Variants in STXBP6 observed in about 807,000 individuals in gnomAD.
STXBP6 encodes syntaxin binding protein 6, also known as syntaxin-binding protein 6.
In STXBP6, 21 loss-of-function variants were observed where a neutral mutation model predicts 26.9. That is an observed-to-expected ratio of 0.78 (90% confidence interval 0.55 to 1.12). The LOEUF (loss-of-function observed/expected upper bound fraction) is 1.12. STXBP6 is among the 50% of genes most tolerant of loss of function. The pLI, the probability that STXBP6 is intolerant of heterozygous loss-of-function variation, is 0.00. For missense variants in STXBP6, 232 were observed against 257.9 expected (o/e 0.90, Z 0.69); for synonymous variants, 97 against 92.6 (o/e 1.05, Z -0.27).
chr14:24,885,757 T>C (rs2070559083), intron 2 of STXBP6, among the ~76,000 whole-genome samples: 1 of 152,232 alleles, frequency 6.6e-6, no homozygotes, highest in Admixed American at 6.5e-5. Flanking sequence ...ACTTTTAGGT[T>C]AAAAGAACCC....
chr14:24,854,204 T>C (rs1038216353), intron 4 of STXBP6, among the ~76,000 whole-genome samples: 1 of 151,518 alleles, frequency 6.6e-6, no homozygotes, highest in Non-Finnish European at 1.5e-5. Flanking sequence ...AGAGGAAGAG[T>C]CAGCAAAGCT....
intron 1 of STXBP6, among the ~76,000 whole-genome samples, chr14:24,989,098 C>T (rs1421492236): frequency 2.0e-5 from 3 of 152,104 alleles, no homozygotes; most frequent in Non-Finnish European, 4.4e-5. Flanking sequence ...ACTGGGAAGA[C>T]CTGGCAACAT....
intron 2 of STXBP6, among the ~76,000 whole-genome samples, chr14:24,892,062 T>C (rs8011315): frequency 0.023 from 3,564 of 152,298 alleles, 156 homozygotes; most frequent in African/African-American, 0.081. Context: ...AGTATATAAC[T>C]ATATATGTTT....
chr14:24,832,602 T>G (rs1887935), intron 4 of STXBP6, among the ~76,000 whole-genome samples: 1 of 152,082 alleles, frequency 6.6e-6, no homozygotes, highest in African/African-American at 2.4e-5. Flanking sequence ...TCCTGTGACA[T>G]ATTTTACTTC....
At chr14:24,892,851 A>G (rs987380072) in intron 2 of STXBP6, among the ~76,000 whole-genome samples, 3 of 152,158 alleles carry the variant, frequency 2.0e-5, no homozygotes, top group East Asian at 3.9e-4. Context: ...GAAATGGGAG[A>G]GAGCCGAGTG....
intron 2 of STXBP6, among the ~76,000 whole-genome samples, chr14:24,927,099 G>T (rs2072203165): frequency 6.6e-6 from 1 of 152,204 alleles, no homozygotes; most frequent in African/African-American, 2.4e-5. Flanking sequence ...CATAATGGAT[G>T]AATTTCTAGT....
intron 4 of STXBP6, among the ~76,000 whole-genome samples, chr14:24,822,032 A>G (rs2068149458): frequency 6.6e-6 from 1 of 152,070 alleles, no homozygotes; most frequent in African/African-American, 2.4e-5. Context: ...TTCCATAACC[A>G]AATCCTTATC....
chr14:24,916,703 C>T (rs1054616449), intron 2 of STXBP6, among the ~76,000 whole-genome samples: 8 of 151,980 alleles, frequency 5.3e-5, no homozygotes, highest in Non-Finnish European at 1.0e-4. Flanking sequence ...ATCTAGGACA[C>T]CTGGGGACCT....
At chr14:24,836,920 G>GT (rs1208538929) in intron 4 of STXBP6, among the ~76,000 whole-genome samples, 1 of 152,080 alleles carries the variant, frequency 6.6e-6, no homozygotes, top group Admixed American at 6.5e-5. Context: ...CAAGCTAAAT[G>GT]TTTTAACATA....
chr14:25,023,621 C>T (rs542987909), intron 1 of STXBP6, among the ~76,000 whole-genome samples: 58 of 151,658 alleles, frequency 3.8e-4, no homozygotes, highest in African/African-American at 1.4e-3. Flanking sequence ...CTAGCCTGGG[C>T]AACATAGCAA....
chr14:25,013,019 T>C lies in STXBP6; in HGVS notation c.-33+36859A>G, dbSNP rs375953044. ...AGGTGGGAGGATTGCTTGAACCCAG[T>C]AGTCTGAGGCTGCAGTGAGCTACGA... On this transcript the variant is annotated intron_variant, in intron 1 of 5. Transcript: ENST00000323944. 7.2e-4 allele frequency among the ~76,000 whole-genome samples: 109 copies of C among 152,102 alleles called. 2 individuals carry two copies. The South Asian group carries it at 0.021, about 29-fold the overall frequency.
chr14:25,002,121 C>T (rs900540715), intron 1 of STXBP6, among the ~76,000 whole-genome samples: 10 of 151,934 alleles, frequency 6.6e-5, no homozygotes, highest in Non-Finnish European at 1.2e-4. Context: ...TTCTTGTAAC[C>T]CAACATATGG....
chr14:25,043,849 G>A (rs1055776677), intron 1 of STXBP6, among the ~76,000 whole-genome samples: 3 of 152,168 alleles, frequency 2.0e-5, no homozygotes, highest in Admixed American at 6.5e-5. Context: ...AGCAGCCGAT[G>A]GATATTTGGG....
At chr14:25,023,633 AC>A (rs2075298046) in intron 1 of STXBP6, among the ~76,000 whole-genome samples, 1 of 151,930 alleles carries the variant, frequency 6.6e-6, no homozygotes. Context: ...ACATAGCAAG[AC>A]CCCGTTTCTT....
At chr14:24,938,862 T>C (rs543808091) in intron 2 of STXBP6, among the ~76,000 whole-genome samples, 2 of 152,234 alleles carry the variant, frequency 1.3e-5, no homozygotes, top group East Asian at 1.9e-4. Context: ...GCACTTAACA[T>C]GTATTCAACT....
intron 1 of STXBP6, among the ~76,000 whole-genome samples, chr14:24,980,801 G>A (rs1669593118): frequency 6.6e-6 from 1 of 152,126 alleles, no homozygotes; most frequent in East Asian, 1.9e-4. Flanking sequence ...AAATAATGGG[G>A]ATATGAATAA....
At chr14:24,842,775 C>CT (rs1471827418) in intron 4 of STXBP6, among the ~76,000 whole-genome samples, 1 of 151,814 alleles carries the variant, frequency 6.6e-6, no homozygotes, top group South Asian at 2.1e-4. Flanking sequence ...TTTTAATTTA[C>CT]TTTTTTTAAC....
rs2067853010 is a variant in STXBP6, at chr14:24,812,585, A to G, written c.*124T>C. ...CATTAACATCTGAAAAGAAAAAACA[A>G]AAACCACTCTAAGTGTCCAAATATT... On this transcript the variant is annotated 3_prime_UTR_variant, in exon 6 of 6. Coordinates refer to ENST00000323944, the MANE Select transcript of STXBP6 (RefSeq NM_001394410.1). 1 of 917,064 alleles carries G rather than the reference A, an allele frequency of 1.1e-6. No individual in the cohort carries two copies. Among genetic ancestry groups the G allele is most frequent in the South Asian group, 1.5e-5 (1 of 65,492 alleles). The allele number at this position is 917,064 out of a possible 1,614,324, so 56.8% of individuals were successfully genotyped here. A position where few individuals can be genotyped will look rare whatever the true frequency, so the allele number is the denominator to read the frequency against.
chr14:25,011,739 G>T (rs2075037207), intron 1 of STXBP6, among the ~76,000 whole-genome samples: 1 of 152,130 alleles, frequency 6.6e-6, no homozygotes, highest in African/African-American at 2.4e-5. Context: ...TTTTCTTGCA[G>T]GATTTGGTTC....
Sources: gnomAD v4.1 joint callset for allele counts (sites outside exome capture counted in the v4.1 genomes callset) on GRCh38, gnomAD v4.1.1 for gene constraint, MANE v1.5 for transcripts, NCBI Gene and HGNC (gene_info 2026-07-23, HGNC 2026-07-21) for gene names.